SOAT1: variants seen among roughly 807,000 people sequenced by gnomAD.
SOAT1 encodes sterol O-acyltransferase 1, also known as acyl-coenzyme A:cholesterol acyltransferase 1.
SOAT1 carries 55 observed loss-of-function variants against 69.5 expected under a neutral mutation model. The observed-to-expected ratio is 0.79, with a 90% CI of 0.64 to 0.99. The LOEUF is 0.99. Among genes scored for constraint, SOAT1 ranks in the 50% least tolerant of loss-of-function variants. The pLI is 0.00. For missense variants in SOAT1, 580 were observed against 669.3 expected (o/e 0.87, Z 1.47); for synonymous variants, 231 against 224.7 (o/e 1.03, Z -0.25).
chr1:179,321,963 G>T (rs1665621213), intron 2 of SOAT1, among the ~76,000 whole-genome samples: 1 of 151,530 alleles, frequency 6.6e-6, no homozygotes, highest in African/African-American at 2.4e-5. Context: ...CTCACTGCAG[G>T]CTCAAATTCT....
intron 3 of SOAT1, among the ~76,000 whole-genome samples, chr1:179,331,745 G>A (rs1339174715): frequency 6.6e-6 from 1 of 152,176 alleles, no homozygotes; most frequent in Non-Finnish European, 1.5e-5. Context: ...AAGAACTTTA[G>A]AGTGAATTAT....
chr1:179,318,830 A>G (rs1455241792), intron 2 of SOAT1, among the ~76,000 whole-genome samples: 1 of 152,224 alleles, frequency 6.6e-6, no homozygotes, highest in Non-Finnish European at 1.5e-5. Context: ...TTATGGATAT[A>G]CTACATTTTA....
rs1666840608 is a variant in SOAT1 at position 179,354,310 on chromosome 1, A to G, written c.*669A>G. ...TTTTACCATGAATTCTTGAGTTTAC[A>G]TCAATAATATTGTATATTAAGGGGA... On this transcript the variant is annotated 3_prime_UTR_variant, in exon 16 of 16. Transcript: ENST00000367619. The G allele has an allele frequency of 6.6e-6, 1 of 152,654 alleles. No individual in the cohort carries two copies. The highest frequency in any genetic ancestry group is 2.1e-4 in the South Asian group (1 of 4,832). The allele number at this position is 152,654 out of a possible 1,614,324, so 9.5% of individuals were successfully genotyped here.
intron 3 of SOAT1, among the ~76,000 whole-genome samples, chr1:179,330,758 CCTT>C (rs1665943862): frequency 6.6e-6 from 1 of 152,188 alleles, no homozygotes; most frequent in African/African-American, 2.4e-5. Flanking sequence ...CTGTGGTCCT[CCTT>C]ATTGCCCACA....
At chr1:179,334,424 T>C (rs74130166) in intron 3 of SOAT1, among the ~76,000 whole-genome samples, 3,424 of 152,186 alleles carry the variant, frequency 0.022, 138 homozygotes, top group African/African-American at 0.078. Context: ...AGGCAAGATA[T>C]GTGGGGGGAG....
intron 2 of SOAT1, among the ~76,000 whole-genome samples, chr1:179,306,170 T>TCC (rs1246264407): frequency 1.3e-5 from 2 of 152,202 alleles, no homozygotes; most frequent in Non-Finnish European, 2.9e-5. Context: ...TTTTCATGGA[T>TCC]AGGAGTATAG....
rs1372450701 is a variant in SOAT1, at chr1:179,356,016, T to C, written c.*2375T>C. On this transcript the variant is annotated 3_prime_UTR_variant, in exon 16 of 16. Transcript: ENST00000367619. The stretch of plus-strand genomic sequence containing the variant: ...CCATAATCTTATTGCTAGCTGCTTT[T>C]AGCAAAAGTCTTTTCTTGAAACCAC... 1 of 152,252 alleles carries C rather than the reference T, an allele frequency of 6.6e-6. No homozygotes were observed. Among genetic ancestry groups the C allele is most frequent in the African/African-American group, 2.4e-5 (1 of 41,466 alleles). 9.4% of individuals were successfully genotyped at this position (152,252 alleles called of 1,614,324 possible). A position where few individuals can be genotyped will look rare whatever the true frequency, so the allele number is the denominator to read the frequency against.
chr1:179,340,077 T>C (rs892306002), intron 6 of SOAT1, among the ~76,000 whole-genome samples: 4 of 152,314 alleles, frequency 2.6e-5, no homozygotes, highest in Admixed American at 6.5e-5. Context: ...CCCCCATGTA[T>C]AGGGAGGGAT....
chr1:179,323,766 G>A (rs909090288), intron 3 of SOAT1, among the ~76,000 whole-genome samples: 3 of 152,070 alleles, frequency 2.0e-5, no homozygotes, highest in African/African-American at 7.2e-5. Flanking sequence ...AGTTGATAGC[G>A]TTGAATGTCT....
rs1031507841 is a variant in SOAT1, at chr1:179,351,311, T to A, written c.1451-6T>A. On this transcript the variant is annotated splice_polypyrimidine_tract_variant and splice_region_variant and intron_variant, in intron 14 of 15. Transcript: ENST00000367619. ...GTATATTTCTTTGTTGCCTTCCTATTTTTAGTGGCTTTCAACTTCATTGTC... is the reference window on the plus strand; with the variant it reads ...GTATATTTCTTTGTTGCCTTCCTATATTTAGTGGCTTTCAACTTCATTGTC... The A allele has an allele frequency of 4.3e-6, 7 of 1,613,520 alleles. No homozygotes were observed. In the Admixed American group the frequency reaches 8.3e-5, roughly 19 times the overall value.
At chr1:179,352,454 T>C (rs1201585014) in intron 15 of SOAT1, among the ~76,000 whole-genome samples, 3 of 152,182 alleles carry the variant, frequency 2.0e-5, no homozygotes, top group East Asian at 1.9e-4. Context: ...TTTGTGCATA[T>C]AGGGCGTGTC....
At chr1:179,342,073 A>G (rs1319379404) in intron 7 of SOAT1, 41 bp from the exon 8 acceptor site, 1 of 1,611,906 alleles carries the variant, frequency 6.2e-7, no homozygotes, top group South Asian at 1.1e-5. Context: ...CTTGCAGGAG[A>G]CTTTCTTTGA....
chr1:179,299,743 A>ATATT, intron 1 of SOAT1, among the ~76,000 whole-genome samples: 1 of 64,776 alleles, frequency 1.5e-5, no homozygotes, highest in Non-Finnish European at 3.1e-5. Context: ...TCATTTTGCT[A>ATATT]TCTTTTTTTT....
intron 2 of SOAT1, among the ~76,000 whole-genome samples, chr1:179,316,826 A>G (rs1665412659): frequency 6.6e-6 from 1 of 152,204 alleles, no homozygotes. Context: ...GATTAGATGC[A>G]TTTTGTACCT....
chr1:179,343,391 G>T (rs1666411138), intron 9 of SOAT1, among the ~76,000 whole-genome samples, 199 bp from the exon 10 acceptor site: 1 of 151,246 alleles, frequency 6.6e-6, no homozygotes, highest in South Asian at 2.1e-4. Flanking sequence ...CGCCCGGTTG[G>T]TTTTTTTGTA....
chr1:179,306,139 T>A (rs1172750096), intron 2 of SOAT1, among the ~76,000 whole-genome samples: 2 of 152,170 alleles, frequency 1.3e-5, no homozygotes, highest in African/African-American at 2.4e-5. Flanking sequence ...GGGTAGGTAG[T>A]ACAGATGGAT....
Position 179,319,489 on chromosome 1 carries a change from C to G in SOAT1, c.119-3948C>G, listed in dbSNP as rs148846636. On this transcript the variant is annotated intron_variant, in intron 2 of 15. Coordinates refer to ENST00000367619, the MANE Select transcript of SOAT1 (RefSeq NM_003101.6). ...TTCTCCCCATCGGTCAGGCTGGTCTCGAACTGCCGACCTCAGGTGATCTGC... is the reference window on the plus strand; with the variant it reads ...TTCTCCCCATCGGTCAGGCTGGTCTGGAACTGCCGACCTCAGGTGATCTGC... Among the ~76,000 whole-genome samples the G allele has an allele frequency of 1.1e-3, 173 of 152,196 alleles. 6 individuals are homozygous for G. The East Asian group carries it at 0.032, about 29-fold the overall frequency.
intron 2 of SOAT1, among the ~76,000 whole-genome samples, chr1:179,322,303 G>C (rs1665630754): frequency 1.3e-5 from 2 of 151,854 alleles, no homozygotes; most frequent in African/African-American, 4.8e-5. Flanking sequence ...GCATCTCTTG[G>C]CTTTTGTTTC....
chr1:179,354,729 T>C lies in SOAT1; in HGVS notation c.*1088T>C, dbSNP rs1178641801. ...TTAGGTGGAATAAATTAATATGTGA[T>C]TGGTTTCAAGGAAATGTACTCTATT... On this transcript the variant is annotated 3_prime_UTR_variant, in exon 16 of 16. Transcript: ENST00000367619. 3 of 152,284 alleles carry C rather than the reference T, an allele frequency of 2.0e-5. No homozygotes were observed. Among genetic ancestry groups the C allele is most frequent in the Non-Finnish European group, 4.4e-5 (3 of 68,014 alleles). 9.4% of individuals were successfully genotyped at this position (152,284 alleles called of 1,614,324 possible).
Sources: gnomAD v4.1 joint callset for allele counts (sites outside exome capture counted in the v4.1 genomes callset) on GRCh38, gnomAD v4.1.1 for gene constraint, MANE v1.5 for transcripts, NCBI Gene and HGNC (gene_info 2026-07-23, HGNC 2026-07-21) for gene names.